SCFD2: variants seen among roughly 807,000 people sequenced by gnomAD.
SCFD2 encodes sec1 family domain-containing protein 2.
In SCFD2, 54 loss-of-function variants were observed where a neutral mutation model predicts 58.9. The observed-to-expected ratio is 0.92, with a 90% confidence interval of 0.74 to 1.15. The LOEUF (loss-of-function observed/expected upper bound fraction) is 1.15, where lower values mean the gene tolerates loss of function less well. SCFD2 is among the 50% of genes most tolerant of loss of function. The pLI, the probability that SCFD2 is intolerant of heterozygous loss-of-function variation, is 0.00. For missense variants in SCFD2, 805 were observed against 836.6 expected (o/e 0.96, Z 0.47); for synonymous variants, 321 against 335.9 (o/e 0.96, Z 0.49).
chr4:53,256,294 G>C (rs1388467896), intron 4 of SCFD2, among the ~76,000 whole-genome samples: 14,898 of 147,364 alleles, frequency 0.1, 926 homozygotes, highest in East Asian at 0.19. Flanking sequence ...ATGGGGCGGC[G>C]GGGCAGAGGC....
At chr4:53,352,293 A>G (rs1003509080) in intron 2 of SCFD2, among the ~76,000 whole-genome samples, 98 of 152,362 alleles carry the variant, frequency 6.4e-4, no homozygotes, top group African/African-American at 2.2e-3. Context: ...ACTAGACTCA[A>G]TTCCATGTGA....
chr4:53,293,589 T>A (rs1281705948), intron 3 of SCFD2, among the ~76,000 whole-genome samples: 2 of 152,232 alleles, frequency 1.3e-5, no homozygotes, highest in African/African-American at 2.4e-5. Context: ...CCTTTCTTCA[T>A]AAAACCTCTT....
At chr4:52,981,350 A>G (rs1318720120) in intron 5 of SCFD2, among the ~76,000 whole-genome samples, 1 of 152,202 alleles carries the variant, frequency 6.6e-6, no homozygotes, top group South Asian at 2.1e-4. Flanking sequence ...TTAGGCTTTA[A>G]GCATTCTCAC....
In SCFD2 at chr4:53,180,310, C is replaced by T. The variant is rs540066422; in HGVS notation, c.1312-34728G>A. Among the ~76,000 whole-genome samples the T allele has an allele frequency of 2.0e-5, 3 of 152,208 alleles. No individual in the cohort carries two copies. In the East Asian group the frequency reaches 5.8e-4, roughly 29 times the overall value. On this transcript the variant is annotated intron_variant, in intron 4 of 8. Coordinates refer to ENST00000401642, the MANE Select transcript of SCFD2 (RefSeq NM_152540.4). The stretch of plus-strand genomic sequence containing the variant: ...AATTATAATAAACTGTCTCTCAGAC[C>T]ACAGTGCAATCAAACTAGAACTCAG...
intron 5 of SCFD2, among the ~76,000 whole-genome samples, chr4:52,984,460 A>C (rs187439253): frequency 5.3e-5 from 8 of 152,340 alleles, no homozygotes; most frequent in Admixed American, 5.2e-4. Flanking sequence ...CAGGGAAACA[A>C]AAGAGTCACA....
intron 4 of SCFD2, among the ~76,000 whole-genome samples, chr4:53,198,430 C>T (rs1294089744): frequency 1.3e-5 from 2 of 151,842 alleles, no homozygotes; most frequent in African/African-American, 2.4e-5. Context: ...TTTATAGACA[C>T]ATAATCTAAT....
At chr4:53,348,935 G>A (rs1318476615) in intron 2 of SCFD2, among the ~76,000 whole-genome samples, 1 of 151,884 alleles carries the variant, frequency 6.6e-6, no homozygotes, top group Non-Finnish European at 1.5e-5. Flanking sequence ...TAACCAGGCT[G>A]GTCTCAAACT....
intron 4 of SCFD2, among the ~76,000 whole-genome samples, chr4:53,248,223 G>C (rs1268761674): frequency 6.6e-6 from 1 of 152,236 alleles, no homozygotes; most frequent in African/African-American, 2.4e-5. Context: ...GACGGGCTTA[G>C]GAAACGGCGC....
At chr4:53,049,706 C>T (rs1327597729) in intron 5 of SCFD2, among the ~76,000 whole-genome samples, 1 of 152,108 alleles carries the variant, frequency 6.6e-6, no homozygotes, top group African/African-American at 2.4e-5. Flanking sequence ...ATGAATCTTG[C>T]CTGGTTCAGC....
chr4:53,240,059 A>G (rs1729846408), intron 4 of SCFD2, among the ~76,000 whole-genome samples: 1 of 152,220 alleles, frequency 6.6e-6, no homozygotes, highest in South Asian at 2.1e-4. Flanking sequence ...GAAAGGTGCT[A>G]CAATGGGTTG....
intron 5 of SCFD2, among the ~76,000 whole-genome samples, chr4:53,006,831 A>G (rs1337841114): frequency 6.6e-6 from 1 of 152,134 alleles, no homozygotes; most frequent in Admixed American, 6.5e-5. Context: ...GCATGGATTC[A>G]GGAACAGGCT....
chr4:53,313,858 C>T, intron 2 of SCFD2, 95 bp from the exon 3 acceptor site: 10 of 1,206,550 alleles, frequency 8.3e-6, no homozygotes, highest in Non-Finnish European at 1.1e-5. Context: ...TATTTTTGAG[C>T]ATTAATGTAG....
At chr4:53,051,992 C>T (rs1318562660) in intron 5 of SCFD2, among the ~76,000 whole-genome samples, 6 of 152,200 alleles carry the variant, frequency 3.9e-5, no homozygotes, top group African/African-American at 1.4e-4. Flanking sequence ...ACAGGTCAGA[C>T]ATTCAGCACC....
chr4:52,937,569 T>C (rs544527149), intron 5 of SCFD2, among the ~76,000 whole-genome samples: 1 of 152,114 alleles, frequency 6.6e-6, no homozygotes, highest in Non-Finnish European at 1.5e-5. Context: ...AGTAAGAACA[T>C]GATGAAATTC....
At chr4:52,934,964 A>G (rs1023271471) in intron 5 of SCFD2, among the ~76,000 whole-genome samples, 1 of 152,244 alleles carries the variant, frequency 6.6e-6, no homozygotes, top group Non-Finnish European at 1.5e-5. Flanking sequence ...GTGTGGTCCT[A>G]TACAGTAGCC....
chr4:53,053,762 A>G (rs1723249312), intron 5 of SCFD2, among the ~76,000 whole-genome samples: 1 of 152,160 alleles, frequency 6.6e-6, no homozygotes, highest in African/African-American at 2.4e-5. Context: ...CTGAGTCAGG[A>G]GCATCTTCCC....
At chr4:52,924,822 C>T (rs931771964) in intron 5 of SCFD2, among the ~76,000 whole-genome samples, 3 of 152,146 alleles carry the variant, frequency 2.0e-5, no homozygotes, top group South Asian at 2.1e-4. Flanking sequence ...CAAATATCCC[C>T]GATTGCAGAC....
chr4:52,878,385 T>G (rs371573287), intron 8 of SCFD2, among the ~76,000 whole-genome samples: 37 of 152,366 alleles, frequency 2.4e-4, no homozygotes, highest in African/African-American at 8.4e-4. Context: ...ATGAAAAACC[T>G]ACTTGTCTCT....
chr4:53,250,008 A>G (rs997104950), intron 4 of SCFD2, among the ~76,000 whole-genome samples: 21 of 152,198 alleles, frequency 1.4e-4, no homozygotes, highest in Admixed American at 1.2e-3. Context: ...AGACTGGCAA[A>G]TTGGATAAAG....
Sources: gnomAD v4.1 joint callset for allele counts (sites outside exome capture counted in the v4.1 genomes callset) on GRCh38, gnomAD v4.1.1 for gene constraint, MANE v1.5 for transcripts, NCBI Gene and HGNC (gene_info 2026-07-23, HGNC 2026-07-21) for gene names.